Variants in HIVEP3 observed in about 807,000 individuals in gnomAD.
HIVEP3 encodes HIVEP zinc finger 3, also known as transcription factor HIVEP3.
HIVEP3 carries 49 observed loss-of-function variants against 152.8 expected under a neutral mutation model. The ratio of observed to expected loss-of-function variants is 0.32; its 90% confidence interval spans 0.26 to 0.41. The LOEUF is 0.41. HIVEP3 is among the 10% of genes least tolerant of loss of function. The pLI, the probability that HIVEP3 is intolerant of heterozygous loss-of-function variation, is 1.00. For synonymous variants in HIVEP3, 1,269 were observed against 1,289.0 expected, an observed-to-expected ratio of 0.98 and a Z score of 0.33; for missense variants, 2,790 against 3,103.3, an observed-to-expected ratio of 0.90 and a Z score of 2.40.
chr1:41,544,810 C>A, intron 5 of HIVEP3, among the ~76,000 whole-genome samples: 1 of 136,346 alleles, frequency 7.3e-6, no homozygotes, highest in Non-Finnish European at 1.6e-5. Flanking sequence ...ACCACCACCA[C>A]TACCACCTCT....
At chr1:41,852,824 A>C (rs1218646441) in intron 1 of HIVEP3, among the ~76,000 whole-genome samples, 1 of 152,164 alleles carries the variant, frequency 6.6e-6, no homozygotes, top group African/African-American at 2.4e-5. Context: ...GCAAACAGTA[A>C]TTTCTTATCC....
chr1:41,830,434 C>T (rs1642926728), intron 1 of HIVEP3, among the ~76,000 whole-genome samples: 1 of 152,204 alleles, frequency 6.6e-6, no homozygotes, highest in Admixed American at 6.5e-5. Flanking sequence ...ATGGTGGATG[C>T]TGCGGTACTG....
At chr1:41,690,661 T>C (rs187567644) in intron 2 of HIVEP3, among the ~76,000 whole-genome samples, 187 of 152,310 alleles carry the variant, frequency 1.2e-3, no homozygotes, top group African/African-American at 4.1e-3. Flanking sequence ...CTTACACCTG[T>C]AATCCCAGCA....
chr1:41,683,560 GCTTCT>G (rs1165414688), intron 2 of HIVEP3, among the ~76,000 whole-genome samples: 1 of 152,218 alleles, frequency 6.6e-6, no homozygotes, highest in African/African-American at 2.4e-5. Flanking sequence ...AGCAAAAACA[GCTTCT>G]CTTGAGTCTG....
chr1:41,748,811 C>T (rs1460146253), intron 1 of HIVEP3, among the ~76,000 whole-genome samples: 1 of 152,238 alleles, frequency 6.6e-6, no homozygotes, highest in Non-Finnish European at 1.5e-5. Context: ...CGGGGTCCTT[C>T]AGGCTTCTTA....
chr1:41,794,827 A>T (rs977747651), intron 1 of HIVEP3, among the ~76,000 whole-genome samples: 24 of 152,224 alleles, frequency 1.6e-4, no homozygotes, highest in Non-Finnish European at 2.9e-4. Flanking sequence ...TTAGAATTAC[A>T]GGAAAATTGC....
intron 1 of HIVEP3, among the ~76,000 whole-genome samples, chr1:41,985,076 A>G (rs1007047110): frequency 2.0e-5 from 3 of 152,170 alleles, no homozygotes; most frequent in African/African-American, 4.8e-5. Context: ...TGATTTTTCC[A>G]AGGAGACAAC....
chr1:41,562,338 G>A (rs1240355146), intron 5 of HIVEP3, among the ~76,000 whole-genome samples: 1 of 152,184 alleles, frequency 6.6e-6, no homozygotes, highest in East Asian at 1.9e-4. Context: ...AGGCTCCTGG[G>A]GTCTGGGGGT....
chr1:41,833,932 G>C lies in HIVEP3; in HGVS notation c.-801+84481C>G, dbSNP rs572331674. Among the ~76,000 whole-genome samples, 6 of 152,290 alleles carry C rather than the reference G, an allele frequency of 3.9e-5. No individual in the cohort carries two copies. In the South Asian group the frequency reaches 1.2e-3, roughly 32 times the overall value. The stretch of plus-strand genomic sequence containing the variant: ...CTCCAGCTTGTGAAATGGCGAGGGG[G>C]TAGTATTGTGACCCAGACTTGACCA... On this transcript the variant is annotated intron_variant, in intron 1 of 8. Coordinates refer to ENST00000372583, the MANE Select transcript of HIVEP3 (RefSeq NM_024503.5).
intron 3 of HIVEP3, among the ~76,000 whole-genome samples, chr1:41,620,648 G>A (rs984942348): frequency 3.3e-5 from 5 of 152,108 alleles, no homozygotes; most frequent in African/African-American, 1.2e-4. Context: ...TGCATTTCCA[G>A]CAGCTCTCAC....
chr1:41,967,216 C>T (rs1343606137), intron 1 of HIVEP3, among the ~76,000 whole-genome samples: 1 of 152,182 alleles, frequency 6.6e-6, no homozygotes, highest in Non-Finnish European at 1.5e-5. Context: ...ATCTTCAGTA[C>T]TCCCCACCCA....
chr1:41,570,102 G>A (rs191786426), intron 5 of HIVEP3, among the ~76,000 whole-genome samples: 4 of 152,182 alleles, frequency 2.6e-5, no homozygotes, highest in Non-Finnish European at 5.9e-5. Flanking sequence ...TCATCAACCT[G>A]TAGATGGTGT....
chr1:41,979,564 T>C (rs1488602718), intron 1 of HIVEP3, among the ~76,000 whole-genome samples: 3 of 152,142 alleles, frequency 2.0e-5, no homozygotes, highest in Non-Finnish European at 4.4e-5. Flanking sequence ...ACTCACTCTA[T>C]TTTCTTTTCT....
intron 1 of HIVEP3, among the ~76,000 whole-genome samples, chr1:41,732,268 C>T (rs1403231676): frequency 6.6e-6 from 1 of 152,192 alleles, no homozygotes. Context: ...TCCCTAGCCT[C>T]CCTGAGACAG....
rs750903378 is a variant in HIVEP3, at chr1:41,579,795, G to A, written c.5003C>T (p.Pro1668Leu). The change falls in exon 4 of 9, where the codon CCG (proline) becomes CTG (leucine). Residue 1668 changes from proline to leucine, a missense_variant. Coordinates refer to ENST00000372583, the MANE Select transcript of HIVEP3 (RefSeq NM_024503.5). Reference sequence around the variant, plus strand: ...CACAAGCCTTCCTGCCTCAGGATGCGGAGCTGTGGCCATGGTGTATGTCTC... The same window carrying A: ...CACAAGCCTTCCTGCCTCAGGATGCAGAGCTGTGGCCATGGTGTATGTCTC... ...SKETYTMATA[P>L]HPEAGRLVPS... 33 of 1,607,740 alleles carry A rather than the reference G, an allele frequency of 2.1e-5. No individual in the cohort carries two copies. The highest frequency in any genetic ancestry group is 1.7e-4 in the Middle Eastern group (1 of 5,896).
At chr1:41,681,966 T>C (rs770086927) in intron 2 of HIVEP3, among the ~76,000 whole-genome samples, 2 of 152,276 alleles carry the variant, frequency 1.3e-5, no homozygotes, top group Non-Finnish European at 2.9e-5. Context: ...CTATCCCTGA[T>C]GACATTTCCC....
At chr1:41,605,371 ACGCG>A (rs71062595) in intron 3 of HIVEP3, among the ~76,000 whole-genome samples, 7,182 of 126,426 alleles carry the variant, frequency 0.057, 249 homozygotes, top group African/African-American at 0.11. Flanking sequence ...ACACACGCAC[ACGCG>A]CACACACACA....
chr1:41,594,504 G>A (rs1172070729), intron 3 of HIVEP3, among the ~76,000 whole-genome samples: 3 of 152,206 alleles, frequency 2.0e-5, no homozygotes, highest in African/African-American at 7.2e-5. Flanking sequence ...TTACAGGTGT[G>A]AGCCACCCCG....
intron 1 of HIVEP3, among the ~76,000 whole-genome samples, chr1:41,741,722 G>A (rs191828690): frequency 2.0e-5 from 3 of 152,348 alleles, no homozygotes; most frequent in African/African-American, 4.8e-5. Context: ...CTGTGGAAAC[G>A]AACAGCCTGA....
Sources: gnomAD v4.1 joint callset for allele counts (sites outside exome capture counted in the v4.1 genomes callset) on GRCh38, gnomAD v4.1.1 for gene constraint, MANE v1.5 for transcripts, NCBI Gene and HGNC (gene_info 2026-07-23, HGNC 2026-07-21) for gene names.